BRME1: variants seen among roughly 807,000 people sequenced by gnomAD.
BRME1 encodes BRCA2 and MEILB2-associating protein 1.
In BRME1, 31 loss-of-function variants were observed where a neutral mutation model predicts 52.6. The ratio of observed to expected loss-of-function variants is 0.59; its 90% CI spans 0.44 to 0.80. The LOEUF is 0.80. Among genes scored for constraint, BRME1 ranks in the 30% least tolerant of loss-of-function variants. The pLI is 0.00. For synonymous variants in BRME1, 359 were observed against 353.6 expected, an observed-to-expected ratio of 1.02 and a Z score of -0.17; for missense variants, 804 against 860.3, an observed-to-expected ratio of 0.93 and a Z score of 0.82.
chr19:13,895,244 TG>T, intron 3 of BRME1, 127 bp downstream of exon 3: 1 of 942,184 alleles, frequency 1.1e-6, no homozygotes, highest in Non-Finnish European at 1.5e-6. Context: ...CCCTGAGCTC[TG>T]GGAGGGAGTG....
intron 2 of BRME1, among the ~76,000 whole-genome samples, chr19:13,902,990 T>C (rs1000018074): frequency 2.0e-5 from 3 of 151,808 alleles, no homozygotes; most frequent in Admixed American, 6.6e-5. Context: ...TTTTTCATGC[T>C]GTTCTACAGT....
intron 1 of BRME1, among the ~76,000 whole-genome samples, chr19:13,905,211 C>T (rs1300693512): frequency 2.0e-5 from 3 of 152,066 alleles, no homozygotes; most frequent in Admixed American, 2.0e-4. Context: ...ACTCTGGTCC[C>T]TAGGATGAAA....
In BRME1 at chr19:13,895,557, G is replaced by A; in HGVS notation, c.32-11C>T. The A allele has an allele frequency of 6.2e-7, 1 of 1,607,298 alleles. No homozygotes were observed. Among genetic ancestry groups the A allele is most frequent in the South Asian group, 1.1e-5 (1 of 90,334 alleles). Reference sequence around the variant, plus strand: ...GACAGAGTCCCTCTCCTGTTTTAGAGACAGAGGAAGATGAAGGGGTGGGGG... The same window carrying A: ...GACAGAGTCCCTCTCCTGTTTTAGAAACAGAGGAAGATGAAGGGGTGGGGG... On this transcript the variant is annotated splice_polypyrimidine_tract_variant and intron_variant, in intron 2 of 8. Transcript: ENST00000586783.
Position 13,890,108 on chromosome 19 carries a change from C to T in BRME1, c.748G>A (p.Gly250Arg). 2 of 1,614,136 alleles carry T rather than the reference C, an allele frequency of 1.2e-6. No homozygotes were observed. Among genetic ancestry groups the T allele is most frequent in the South Asian group, 2.2e-5 (2 of 91,092 alleles). The change falls in exon 6 of 9, where the codon GGA (glycine) becomes AGA (arginine). Residue 250 changes from glycine to arginine, a missense_variant. By Grantham distance (125) the Gly-to-Arg change is moderately radical. This residue lies in a region of BRME1 where 552 missense variants were observed against 561.1 expected (regional missense o/e 0.98). Coordinates refer to ENST00000586783, the MANE Select transcript of BRME1 (RefSeq NM_001345843.2). ...TGGGCCCCTCCCTCCTGGGGGGCTC[C>T]TCTGTCTGGCTTCTCCCCTTCAGAA... ...IDSEGEKPDR[G>R]APQEGGAQRT...
At chr19:13,892,649 A>C in intron 5 of BRME1, 137 bp downstream of exon 5, 1 of 648,044 alleles carries the variant, frequency 1.5e-6, no homozygotes, top group Non-Finnish European at 2.8e-6. Context: ...TCCATAGCGC[A>C]ATGTACTGAA....
chr19:13,886,039 T>A lies in BRME1; in HGVS notation c.1685A>T (p.Asn562Ile). 1 of 1,613,986 alleles carries A rather than the reference T, an allele frequency of 6.2e-7. No homozygotes were observed. The highest frequency in any genetic ancestry group is 2.2e-5 in the East Asian group (1 of 44,890). Residue 562 changes from asparagine (N) to isoleucine (I), a missense_variant, in exon 7 of 9, where the codon AAC becomes ATC. Asn to Ile is a moderately radical substitution (Grantham distance 149). This residue lies in a region of BRME1 where 552 missense variants were observed against 561.1 expected (regional missense o/e 0.98). Coordinates refer to ENST00000586783, the MANE Select transcript of BRME1 (RefSeq NM_001345843.2). ...GCCCGGCCAGCAAGGGCCCGGCTTG[T>A]TCCCCGAAGGAAAGAGCTGGAAAGA... is the stretch of plus-strand genomic sequence containing the variant. Reference protein sequence around the residue: ...APPEQLFPSGNKPGPCWPGPS... With the variant: ...APPEQLFPSGIKPGPCWPGPS...
In BRME1 at chr19:13,895,437, C is replaced by T. The variant is rs1969814774; in HGVS notation, c.141G>A (p.Glu47=). 6.2e-7 allele frequency: 1 copy of T among 1,614,148 alleles called. No individual in the cohort carries two copies. The highest frequency in any genetic ancestry group is 8.5e-7 in the Non-Finnish European group (1 of 1,180,034). The change falls in exon 3 of 9, where the codon GAG becomes GAA. Residue 47 remains glutamate (E), a synonymous_variant. Transcript: ENST00000586783. ...TAGAGGGAACAGGTCCCAATTTGCCCTCTGGCTCCTCAGGGTGATGTAAAC... is the reference window on the plus strand; with the variant it reads ...TAGAGGGAACAGGTCCCAATTTGCCTTCTGGCTCCTCAGGGTGATGTAAAC... ...LGCLHHPEEP[E]GKLGPVPSTQ...
chr19:13,884,169 C>T (rs1968835188), intron 7 of BRME1, among the ~76,000 whole-genome samples: 1 of 152,080 alleles, frequency 6.6e-6, no homozygotes, highest in Admixed American at 6.6e-5. Flanking sequence ...GTGAGACCCC[C>T]ATCTCTACAA....
In BRME1 at chr19:13,888,611, G is replaced by A. The variant is rs982419480; in HGVS notation, c.1668+577C>T. On this transcript the variant is annotated intron_variant, in intron 6 of 8. Transcript: ENST00000586783. This position sits in a 1 kb window ranked among gnomAD's most constrained non-coding sequence, Gnocchi z 4.1. ...CAGAGGAGGCCACATCCGGGCAGCC[G>A]GTGGGGCGGGCAGATCCCTGAAGGA... is the stretch of plus-strand genomic sequence containing the variant. Among the ~76,000 whole-genome samples, 7 of 152,260 alleles carry A rather than the reference G, an allele frequency of 4.6e-5. No individual in the cohort carries two copies. The highest frequency in any genetic ancestry group is 7.3e-5 in the Non-Finnish European group (5 of 68,042).
chr19:13,904,617 T>G (rs1970537516), intron 2 of BRME1, among the ~76,000 whole-genome samples: 1 of 151,420 alleles, frequency 6.6e-6, no homozygotes, highest in Admixed American at 6.6e-5. Context: ...AATTTTTGTA[T>G]TTTTAGTAGA....
rs58601427 is a variant in BRME1, at chr19:13,893,049, G to A, written c.288+93C>T. ...CCTCCAGCCCCTGTAGACCATGAGT[G>A]AGCAATTGGTGACAAAGAAGGGAGA... On this transcript the variant is annotated intron_variant, in intron 4 of 8. Coordinates refer to ENST00000586783, the MANE Select transcript of BRME1 (RefSeq NM_001345843.2). 3,982 of 1,383,410 alleles carry A rather than the reference G, an allele frequency of 2.9e-3. 96 individuals carry two copies. The African/African-American group carries it at 0.05, about 18-fold the overall frequency. The allele number at this position is 1,383,410 out of a possible 1,614,324, so 85.7% of individuals were successfully genotyped here.
chr19:13,905,290 C>T (rs1320585755), intron 1 of BRME1, among the ~76,000 whole-genome samples: 1 of 152,030 alleles, frequency 6.6e-6, no homozygotes, highest in African/African-American at 2.4e-5. Flanking sequence ...CTTGAGGACT[C>T]TCCAGGGGCC....
Position 13,893,220 on chromosome 19 carries a change from G to T in BRME1, c.210C>A (p.Ser70=). 1 of 1,579,276 alleles carries T rather than the reference G, an allele frequency of 6.3e-7. No homozygotes were observed. The change falls in exon 4 of 9, where the codon TCC becomes TCA. Residue 70 remains serine (S), a synonymous_variant. Transcript: ENST00000586783. The part of the protein sequence containing the change: ...GEEPGKAVSS[S]PDEETGSPCR... ...AGGGAGATCCTGTTTCCTCATCAGGGGAGCTATGTAGGAAAAGATAAAACT... is the reference window on the plus strand; with the variant it reads ...AGGGAGATCCTGTTTCCTCATCAGGTGAGCTATGTAGGAAAAGATAAAACT...
intron 7 of BRME1, chr19:13,885,522 A>G: frequency 6.3e-6 from 1 of 157,562 alleles, no homozygotes; most frequent in Admixed American, 6.5e-5. Flanking sequence ...TGGGGAGGGG[A>G]GGAGGTGAGG....
chr19:13,891,580 C>T (rs997621492), intron 5 of BRME1, among the ~76,000 whole-genome samples: 4 of 152,008 alleles, frequency 2.6e-5, no homozygotes, highest in African/African-American at 9.7e-5. Flanking sequence ...ACGACCCTCC[C>T]ACCTCAGCCT....
At chr19:13,884,380 C>G (rs1968848789) in intron 7 of BRME1, among the ~76,000 whole-genome samples, 1 of 151,948 alleles carries the variant, frequency 6.6e-6, no homozygotes, top group African/African-American at 2.4e-5. Context: ...AATCCCACCA[C>G]TTTGTGAGGC....
Position 13,882,764 on chromosome 19 carries a change from G to T in BRME1, c.*38C>A. 6.2e-7 allele frequency: 1 copy of T among 1,612,012 alleles called. No homozygotes were observed. Among genetic ancestry groups the T allele is most frequent in the South Asian group, 1.1e-5 (1 of 90,974 alleles). On this transcript the variant is annotated 3_prime_UTR_variant, in exon 9 of 9. Coordinates refer to ENST00000586783, the MANE Select transcript of BRME1 (RefSeq NM_001345843.2). ...TCTTGGAGGAGGTCTGCGGACATGGGGGCTGGGTGGCAAAGGAAACACAGA... is the reference window on the plus strand; with the variant it reads ...TCTTGGAGGAGGTCTGCGGACATGGTGGCTGGGTGGCAAAGGAAACACAGA...
At position 13,889,381 on chromosome 19, in the gene BRME1, G is replaced by T. The variant is rs1342900701; in HGVS notation, c.1475C>A (p.Pro492His). 1 of 1,614,102 alleles carries T rather than the reference G, an allele frequency of 6.2e-7. No individual in the cohort carries two copies. Among genetic ancestry groups the T allele is most frequent in the Admixed American group, 1.7e-5 (1 of 60,008 alleles). The change falls in exon 6 of 9, where the codon CCT becomes CAT. Residue 492 changes from proline (P) to histidine (H), a missense_variant. Pro to His is a moderately conservative substitution (Grantham distance 77). Transcript: ENST00000586783. ...VLEHREIADD[P>H]LQEPGAQQGI... ...CTGCTGAGCCCCGGGCTCCTGGAGA[G>T]GGTCGTCTGCTATTTCTCTGTGTTC... is the stretch of plus-strand genomic sequence containing the variant.
At chr19:13,895,274 G>T in intron 3 of BRME1, 98 bp downstream of exon 3, 1 of 1,329,276 alleles carries the variant, frequency 7.5e-7, no homozygotes, top group Non-Finnish European at 1.0e-6. Context: ...CACTAGATAG[G>T]TTGTGGGTCT....
Sources: gnomAD v4.1 joint callset for allele counts (sites outside exome capture counted in the v4.1 genomes callset) on GRCh38, gnomAD v4.1.1 for gene constraint, gnomAD v4.1.1 regional missense constraint, Gnocchi (gnomAD v3.1) non-coding constraint, MANE v1.5 for transcripts, NCBI Gene and HGNC (gene_info 2026-07-23, HGNC 2026-07-21) for gene names.